ELK3: variants seen among roughly 807,000 people sequenced by gnomAD.
ELK3 encodes ETS domain-containing protein Elk-3.
ELK3 carries 10 observed loss-of-function variants against 28.9 expected under a neutral mutation model. The observed-to-expected ratio is 0.35, with a 90% CI of 0.21 to 0.59. ELK3 has a LOEUF of 0.59. Ranked by LOEUF, ELK3 falls within the 20% of genes least tolerant of loss-of-function variation. ELK3 has a pLI of 0.82. For missense variants in ELK3, 463 were observed against 517.3 expected (o/e 0.90, Z 1.02); for synonymous variants, 272 against 243.5 (o/e 1.12, Z -1.09).
chr12:96,241,227 A>G (rs534501241), intron 2 of ELK3, among the ~76,000 whole-genome samples: 2 of 152,360 alleles, frequency 1.3e-5, no homozygotes, highest in East Asian at 3.9e-4. Context: ...TCATTCAACA[A>G]ACATTTAATT....
chr12:96,208,224 G>A (rs371261600), intron 1 of ELK3, among the ~76,000 whole-genome samples: 9 of 152,194 alleles, frequency 5.9e-5, no homozygotes, highest in East Asian at 1.9e-4. Context: ...CCTAAGTTTT[G>A]TATTTTCAGT....
chr12:96,257,255 A>G (rs1468599250), intron 3 of ELK3, among the ~76,000 whole-genome samples: 2 of 152,202 alleles, frequency 1.3e-5, no homozygotes, highest in Non-Finnish European at 2.9e-5. Context: ...AAAAGCAACC[A>G]CATGGTTCTT....
intron 1 of ELK3, among the ~76,000 whole-genome samples, chr12:96,198,629 A>G (rs564458343): frequency 1.1e-4 from 17 of 152,290 alleles, no homozygotes; most frequent in African/African-American, 3.8e-4. Flanking sequence ...GTATCTTCTA[A>G]AGGTTGGTTG....
chr12:96,234,713 G>A (rs145743983), intron 2 of ELK3, among the ~76,000 whole-genome samples: 34 of 152,308 alleles, frequency 2.2e-4, no homozygotes, highest in African/African-American at 7.2e-4. Context: ...GCTGGTGGTC[G>A]ATATTGAGCC....
At chr12:96,238,888 C>T (rs954712225) in intron 2 of ELK3, among the ~76,000 whole-genome samples, 1 of 152,142 alleles carries the variant, frequency 6.6e-6, no homozygotes, top group Non-Finnish European at 1.5e-5. Context: ...ATGCAGAGAC[C>T]CCTTGGCCCT....
chr12:96,228,366 C>T (rs1191736679), intron 2 of ELK3, among the ~76,000 whole-genome samples: 2 of 136,264 alleles, frequency 1.5e-5, no homozygotes, highest in Admixed American at 8.3e-5. Context: ...TGCAGTGAGC[C>T]GAGATTGCGC....
At chr12:96,255,843 A>C (rs955140622) in intron 3 of ELK3, among the ~76,000 whole-genome samples, 1 of 152,148 alleles carries the variant, frequency 6.6e-6, no homozygotes, top group Non-Finnish European at 1.5e-5. Context: ...ATTGAAAAGT[A>C]AGTCACCATA....
chr12:96,261,179 A>AG (rs1204710462), intron 4 of ELK3, among the ~76,000 whole-genome samples: 1 of 152,170 alleles, frequency 6.6e-6, no homozygotes, highest in Non-Finnish European at 1.5e-5. Context: ...TCTCTTTGTA[A>AG]GGGTGGAGCT....
At chr12:96,241,941 C>G (rs907310970) in intron 2 of ELK3, among the ~76,000 whole-genome samples, 3 of 152,200 alleles carry the variant, frequency 2.0e-5, no homozygotes, top group African/African-American at 7.2e-5. Flanking sequence ...AGAGGCAGCC[C>G]TTTTGCAAAT....
rs899075471 is a variant in ELK3 at position 96,257,636 on chromosome 12, G to A, written c.1003-2095G>A. Reference sequence around the variant, plus strand: ...GAGCCTTCATTGATGGATAAACTAGGAGGCCTTGAACACACTGGTTATTAA... The same window carrying A: ...GAGCCTTCATTGATGGATAAACTAGAAGGCCTTGAACACACTGGTTATTAA... On this transcript the variant is annotated intron_variant, in intron 3 of 4. Transcript: ENST00000228741. Among the ~76,000 whole-genome samples the A allele has an allele frequency of 3.3e-5, 5 of 152,214 alleles. No homozygotes were observed. The South Asian group carries it at 6.2e-4, about 19-fold the overall frequency.
intron 1 of ELK3, among the ~76,000 whole-genome samples, chr12:96,214,371 CA>C (rs1215748697): frequency 6.6e-6 from 1 of 151,530 alleles, no homozygotes; most frequent in Non-Finnish European, 1.5e-5. Context: ...GCGGAGCTTG[CA>C]GTGAACCGAG....
chr12:96,247,325 T>C lies in ELK3; in HGVS notation c.593T>C (p.Val198Ala), dbSNP rs763900459. 6.8e-6 allele frequency: 11 copies of C among 1,614,236 alleles called. No individual in the cohort carries two copies. The Admixed American group carries it at 1.8e-4, about 27-fold the overall frequency. ...ACCGACAAGCACGTCACCAGGCCGG[T>C]GGTGTCCCTGCCTTCCACGTCAGAG... Reference protein sequence around the residue: ...NKTDKHVTRPVVSLPSTSEAA... With the variant: ...NKTDKHVTRPAVSLPSTSEAA... The change falls in exon 3 of 5, where the codon GTG becomes GCG. Residue 198 changes from valine to alanine, a missense_variant. Around this residue, in one of 2 missense-constraint regions of ELK3, gnomAD observed 408 missense variants for 414.8 expected, o/e 0.98. Transcript: ENST00000228741. The surrounding 1 kb of genome is among the most constrained non-coding windows in gnomAD (Gnocchi z 5.5).
In ELK3 at chr12:96,223,793, T is replaced by C. The variant is rs1203210376; in HGVS notation, c.207+20T>C. On this transcript the variant is annotated intron_variant, in intron 2 of 4. Transcript: ENST00000228741. ...GACAAGGTAAACCCTTGACCTTGCA[T>C]GGGGCCGTCTTGGGGAGGGTGGAAT... The C allele has an allele frequency of 6.2e-7, 1 of 1,612,580 alleles. No homozygotes were observed. Among genetic ancestry groups the C allele is most frequent in the South Asian group, 1.1e-5 (1 of 91,032 alleles).
At chr12:96,253,461 G>A (rs966467181) in intron 3 of ELK3, among the ~76,000 whole-genome samples, 2 of 152,084 alleles carry the variant, frequency 1.3e-5, no homozygotes, top group Non-Finnish European at 2.9e-5. Flanking sequence ...CTCCTTTTCC[G>A]TAGGATCAGT....
At chr12:96,235,772 C>T (rs750165305) in intron 2 of ELK3, among the ~76,000 whole-genome samples, 1 of 152,154 alleles carries the variant, frequency 6.6e-6, no homozygotes, top group African/African-American at 2.4e-5. Flanking sequence ...AGCTCCCCCA[C>T]CCAGCAGGGG....
At chr12:96,252,836 C>T (rs1826485622) in intron 3 of ELK3, among the ~76,000 whole-genome samples, 1 of 152,228 alleles carries the variant, frequency 6.6e-6, no homozygotes, top group Admixed American at 6.5e-5. Flanking sequence ...CATAACTTTA[C>T]ATTACATTAC....
intron 2 of ELK3, among the ~76,000 whole-genome samples, chr12:96,230,000 C>T (rs1288741186): frequency 6.6e-6 from 1 of 152,162 alleles, no homozygotes; most frequent in African/African-American, 2.4e-5. Flanking sequence ...ACAAAATTCA[C>T]TCTGTAACAC....
rs140825801 is a variant in ELK3 at position 96,220,455 on chromosome 12, T to C, written c.-2-3110T>C. ...CAGGCTGGAGTGCAGTGGCGCGATCTTGGCTTACTGCAACCTCTGCCTCCT... is the reference window on the plus strand; with the variant it reads ...CAGGCTGGAGTGCAGTGGCGCGATCCTGGCTTACTGCAACCTCTGCCTCCT... On this transcript the variant is annotated intron_variant, in intron 1 of 4. Coordinates refer to ENST00000228741, the MANE Select transcript of ELK3 (RefSeq NM_005230.4). 8.4e-3 allele frequency among the ~76,000 whole-genome samples: 1,252 copies of C among 149,872 alleles called. 14 individuals are homozygous for C. Among genetic ancestry groups the C allele is most frequent in the African/African-American group, 0.03 (1,205 of 40,658 alleles).
At chr12:96,234,144 G>A (rs945605360) in intron 2 of ELK3, among the ~76,000 whole-genome samples, 4 of 152,334 alleles carry the variant, frequency 2.6e-5, no homozygotes, top group South Asian at 2.1e-4. Flanking sequence ...AGGGGGCTGC[G>A]TGTTGACTGA....
Sources: allele counts gnomAD v4.1 joint callset (sites outside exome capture counted in the v4.1 genomes callset), GRCh38; gene constraint gnomAD v4.1.1; regional missense constraint gnomAD v4.1.1; non-coding constraint Gnocchi (gnomAD v3.1); transcripts MANE v1.5; gene names NCBI Gene and HGNC (gene_info 2026-07-23, HGNC 2026-07-21).